SGF29: variants seen among roughly 807,000 people sequenced by gnomAD.
The protein encoded by SGF29 is SAGA-associated factor 29.
A neutral mutation model predicts 38.1 loss-of-function variants in SGF29; 15 were observed. The ratio of observed to expected loss-of-function variants is 0.39; its 90% CI spans 0.26 to 0.61. The LOEUF (loss-of-function observed/expected upper bound fraction) is 0.61. Among genes scored for constraint, SGF29 ranks in the 20% least tolerant of loss-of-function variants. The pLI is 0.49. For synonymous variants in SGF29, 151 were observed against 160.8 expected, an observed-to-expected ratio of 0.94 and a Z score of 0.46; for missense variants, 184 against 394.6, an observed-to-expected ratio of 0.47 and a Z score of 4.52.
At chr16:28,557,130 T>C (rs753562020) in intron 1 of SGF29, among the ~76,000 whole-genome samples, 1 of 152,200 alleles carries the variant, frequency 6.6e-6, no homozygotes, top group Non-Finnish European at 1.5e-5. Context: ...TATGCTATTA[T>C]AGTAAAAGGG....
chr16:28,567,316 C>T (rs893843802), intron 1 of SGF29, among the ~76,000 whole-genome samples: 6 of 152,112 alleles, frequency 3.9e-5, no homozygotes, highest in Admixed American at 6.6e-5. Context: ...ACATATTGCT[C>T]ATAGTTTTGA....
At chr16:28,580,323 TAAGAC>T (rs947257935) in intron 1 of SGF29, among the ~76,000 whole-genome samples, 17 of 152,256 alleles carry the variant, frequency 1.1e-4, no homozygotes, top group African/African-American at 3.8e-4. Flanking sequence ...CTGGGTGGCT[TAAGAC>T]AAGAGAAATT....
At chr16:28,573,747 A>G (rs1311222710) in intron 1 of SGF29, among the ~76,000 whole-genome samples, 1 of 152,160 alleles carries the variant, frequency 6.6e-6, no homozygotes, top group Admixed American at 6.5e-5. Flanking sequence ...GATGGTGGGC[A>G]TAAAGTCTCT....
intron 2 of SGF29, among the ~76,000 whole-genome samples, chr16:28,584,423 G>A (rs2046943191): frequency 6.6e-6 from 1 of 152,082 alleles, no homozygotes; most frequent in African/African-American, 2.4e-5. Context: ...GGGAAACCGA[G>A]GCAGGTGGAT....
intron 2 of SGF29, among the ~76,000 whole-genome samples, chr16:28,581,541 T>A (rs1175434040): frequency 1.3e-5 from 2 of 151,804 alleles, no homozygotes; most frequent in Non-Finnish European, 2.9e-5. Context: ...ACAAAAACAC[T>A]CTTTTTTTTT....
chr16:28,581,218 T>C, intron 2 of SGF29, 74 bp downstream of exon 2: 1 of 1,411,324 alleles, frequency 7.1e-7, no homozygotes, highest in Non-Finnish European at 9.9e-7. Context: ...GGGGGTGGCA[T>C]TTGTGTTCAG....
intron 9 of SGF29, 57 bp from the exon 10 acceptor site, chr16:28,591,533 G>A (rs1376532172): frequency 1.2e-5 from 14 of 1,210,960 alleles, no homozygotes; most frequent in Non-Finnish European, 1.6e-5. Flanking sequence ...GGGGAAGGGG[G>A]TGCCTGTCCT....
chr16:28,573,884 A>T (rs914785154), intron 1 of SGF29, among the ~76,000 whole-genome samples: 6 of 152,172 alleles, frequency 3.9e-5, no homozygotes, highest in Non-Finnish European at 7.3e-5. Context: ...AAGGCTAACC[A>T]GATGACTTGG....
rs2046977447 is a variant in SGF29 at position 28,589,907 on chromosome 16, C to T, written c.290-189C>T. Among the ~76,000 whole-genome samples the T allele has an allele frequency of 2.0e-5, 3 of 152,198 alleles. No individual in the cohort carries two copies. In the South Asian group the frequency reaches 6.2e-4, roughly 31 times the overall value. On this transcript the variant is annotated intron_variant, in intron 5 of 9. Transcript: ENST00000317058. The stretch of plus-strand genomic sequence containing the variant: ...CCCGCTGTGCTGCCATCTCACCCAA[C>T]TGTAGTTAAACCCAGCAGCCCCTAT...
chr16:28,556,665 A>G (rs1481433295), intron 1 of SGF29, among the ~76,000 whole-genome samples: 3 of 151,072 alleles, frequency 2.0e-5, no homozygotes, highest in Non-Finnish European at 1.5e-5. Context: ...TTTTTTTTAG[A>G]AACAAGGTCT....
At chr16:28,554,767 G>C (rs1053618418) in intron 1 of SGF29, among the ~76,000 whole-genome samples, 6 of 152,096 alleles carry the variant, frequency 3.9e-5, no homozygotes, top group African/African-American at 7.2e-5. Flanking sequence ...CTCTAGTCAG[G>C]CTTTGGTCTC....
chr16:28,568,800 C>G (rs1359392586), intron 1 of SGF29, among the ~76,000 whole-genome samples: 1 of 152,092 alleles, frequency 6.6e-6, no homozygotes. Flanking sequence ...GCAATCTCAG[C>G]TACTTGGGAG....
intron 1 of SGF29, among the ~76,000 whole-genome samples, chr16:28,555,203 C>T (rs1350803372): frequency 2.0e-5 from 3 of 151,802 alleles, no homozygotes; most frequent in South Asian, 2.1e-4. Context: ...GTGGCTCATG[C>T]GTGTAATCCT....
intron 1 of SGF29, among the ~76,000 whole-genome samples, chr16:28,564,627 A>ATATG (rs1567285756): frequency 7.9e-6 from 1 of 126,026 alleles, no homozygotes; most frequent in African/African-American, 2.9e-5. Flanking sequence ...ATATATGCAT[A>ATATG]TATATACGTA....
intron 4 of SGF29, among the ~76,000 whole-genome samples, chr16:28,586,955 C>G (rs1286210344): frequency 6.6e-6 from 1 of 152,162 alleles, no homozygotes; most frequent in Non-Finnish European, 1.5e-5. Context: ...TCAAGTGATC[C>G]TCCTGCCTCA....
intron 1 of SGF29, among the ~76,000 whole-genome samples, chr16:28,566,220 G>A (rs2046835510): frequency 6.6e-6 from 1 of 151,422 alleles, no homozygotes; most frequent in South Asian, 2.1e-4. Context: ...CTTGCAGTGA[G>A]CCAAGATCGC....
Position 28,556,592 on chromosome 16 carries a change from C to T in SGF29, c.-16+2495C>T, listed in dbSNP as rs182466305. On this transcript the variant is annotated intron_variant, in intron 1 of 9. Coordinates refer to ENST00000317058, the MANE Select transcript of SGF29 (RefSeq NM_138414.3). ...GAACTCCTGATCTTAGTTGATCTGC[C>T]GGCCTTGGCCTCCCAAAGTGCTGGG... 9.1e-4 allele frequency among the ~76,000 whole-genome samples: 138 copies of T among 152,220 alleles called. 1 individual carries two copies. Among genetic ancestry groups the T allele is most frequent in the African/African-American group, 2.4e-3 (100 of 41,542 alleles).
intron 1 of SGF29, among the ~76,000 whole-genome samples, chr16:28,564,763 G>GTA (rs1491490102): frequency 2.8e-5 from 1 of 35,660 alleles, no homozygotes; most frequent in Non-Finnish European, 4.8e-5. Context: ...ATGTATATAT[G>GTA]TATATATATG....
At chr16:28,569,326 T>G (rs924315615) in intron 1 of SGF29, among the ~76,000 whole-genome samples, 1 of 152,270 alleles carries the variant, frequency 6.6e-6, no homozygotes, top group Admixed American at 6.5e-5. Context: ...AAGCAGAACT[T>G]AAGCATTTGG....
Sources: allele counts gnomAD v4.1 joint callset (sites outside exome capture counted in the v4.1 genomes callset), GRCh38; gene constraint gnomAD v4.1.1; transcripts MANE v1.5; gene names NCBI Gene and HGNC (gene_info 2026-07-23, HGNC 2026-07-21).